Variants in EIF2AK4 observed in about 807,000 individuals in gnomAD.
The protein encoded by EIF2AK4 is eIF-2-alpha kinase GCN2.
A neutral mutation model predicts 211.1 loss-of-function variants in EIF2AK4; 139 were observed. The observed-to-expected ratio is 0.66, with a 90% CI of 0.57 to 0.76. EIF2AK4 has a LOEUF of 0.76. EIF2AK4 is among the 30% of genes least tolerant of loss of function. EIF2AK4 has a pLI of 0.00. For missense variants in EIF2AK4, 1,664 were observed against 2,043.8 expected, an observed-to-expected ratio of 0.81 and a Z score of 3.58; for synonymous variants, 710 against 751.3, an observed-to-expected ratio of 0.94 and a Z score of 0.90.
chr15:40,034,635 A>T (rs1280653976), intron 38 of EIF2AK4, among the ~76,000 whole-genome samples, 191 bp downstream of exon 38: 1 of 152,186 alleles, frequency 6.6e-6, no homozygotes, highest in African/African-American at 2.4e-5. Context: ...AACAAAACAC[A>T]GGGGTCCTAG....
chr15:39,980,890 AC>A (rs2034773315), intron 13 of EIF2AK4, among the ~76,000 whole-genome samples: 1 of 152,172 alleles, frequency 6.6e-6, no homozygotes, highest in South Asian at 2.1e-4. Flanking sequence ...AAATATAATT[AC>A]CAGCAGTTAC....
intron 16 of EIF2AK4, among the ~76,000 whole-genome samples, chr15:39,990,939 G>A (rs1356229222): frequency 6.6e-6 from 1 of 152,228 alleles, no homozygotes; most frequent in African/African-American, 2.4e-5. Flanking sequence ...GCTGTCGGAA[G>A]ACCAGCATAC....
chr15:39,965,600 A>T, intron 7 of EIF2AK4, 86 bp from the exon 8 acceptor site: 1 of 1,468,754 alleles, frequency 6.8e-7, no homozygotes, highest in Non-Finnish European at 9.3e-7. Flanking sequence ...TTGTTGAACT[A>T]AAGAATGTGT....
At chr15:40,033,561 T>C (rs2035571334) in intron 37 of EIF2AK4, among the ~76,000 whole-genome samples, 1 of 152,186 alleles carries the variant, frequency 6.6e-6, no homozygotes, top group African/African-American at 2.4e-5. Flanking sequence ...ATCCAGAGTG[T>C]TTAGTCACAA....
chr15:39,966,556 G>A (rs1042846881), intron 8 of EIF2AK4, among the ~76,000 whole-genome samples: 7 of 151,578 alleles, frequency 4.6e-5, no homozygotes, highest in African/African-American at 1.5e-4. Flanking sequence ...TTGGGGGACC[G>A]GAGGATTTTT....
At position 40,007,854 on chromosome 15, in the gene EIF2AK4, A is replaced by G. The variant is rs77478759; in HGVS notation, c.3408-173A>G. ...TAATAGTGGCAAAACTGGGAATTGG[A>G]ACCTAGATCACAAGGCAAGGCTGTT... On this transcript the variant is annotated intron_variant, in intron 24 of 38. Coordinates refer to ENST00000263791, the MANE Select transcript of EIF2AK4 (RefSeq NM_001013703.4). Among the ~76,000 whole-genome samples the G allele has an allele frequency of 0.026, 3,951 of 152,308 alleles. 183 individuals are homozygous for G. Among genetic ancestry groups the G allele is most frequent in the African/African-American group, 0.091 (3,761 of 41,550 alleles).
chr15:39,948,963 A>G (rs1177268793), intron 3 of EIF2AK4, among the ~76,000 whole-genome samples, 153 bp from the exon 4 acceptor site: 1 of 152,194 alleles, frequency 6.6e-6, no homozygotes, highest in East Asian at 1.9e-4. Context: ...TGATTATATC[A>G]TATACCGAAT....
intron 6 of EIF2AK4, among the ~76,000 whole-genome samples, chr15:39,960,902 C>A (rs1222766017): frequency 6.6e-6 from 1 of 152,100 alleles, no homozygotes; most frequent in Non-Finnish European, 1.5e-5. Flanking sequence ...CTCGTGTTCT[C>A]AGTGAAAGTA....
intron 33 of EIF2AK4, among the ~76,000 whole-genome samples, chr15:40,029,036 C>T (rs1238107616): frequency 1.3e-5 from 2 of 152,238 alleles, no homozygotes; most frequent in East Asian, 3.9e-4. Context: ...AAGGCTACTG[C>T]CATAATGAAG....
At chr15:39,992,262 T>C (rs774821047) in intron 17 of EIF2AK4, 33 bp downstream of exon 17, 3 of 1,551,556 alleles carry the variant, frequency 1.9e-6, no homozygotes, top group East Asian at 4.5e-5. Flanking sequence ...TTCATCCATG[T>C]GTTAAAGACC....
intron 7 of EIF2AK4, among the ~76,000 whole-genome samples, chr15:39,965,424 A>G (rs1307210034): frequency 6.6e-6 from 1 of 152,104 alleles, no homozygotes; most frequent in Non-Finnish European, 1.5e-5. Flanking sequence ...ACGCCTGGCC[A>G]AACATTGGTC....
chr15:40,021,553 G>C (rs2035387337), intron 31 of EIF2AK4: 1 of 152,432 alleles, frequency 6.6e-6, no homozygotes, highest in African/African-American at 2.4e-5. Context: ...GGACATCTTT[G>C]CGGGGCTGTA....
rs1182836924 is a variant in EIF2AK4, at chr15:39,976,596, G to T, written c.2001G>T (p.Thr667=). ...ACGAGCGGCCGGCGGGACCGGGGAC[G>T]CCGCCCCCGGACTCCGGGCCCCTGG... ...ERHERPAGPG[T]PPPDSGPLAK... Residue 667 remains threonine (T), a synonymous_variant, in exon 12 of 39, where the codon ACG becomes ACT. Coordinates refer to ENST00000263791, the MANE Select transcript of EIF2AK4 (RefSeq NM_001013703.4). 1.2e-6 allele frequency: 2 copies of T among 1,609,236 alleles called. No individual in the cohort carries two copies. The highest frequency in any genetic ancestry group is 1.1e-5 in the South Asian group (1 of 90,744).
rs1217482308 is a variant in EIF2AK4 at position 39,995,350 on chromosome 15, C to T, written c.2767-1614C>T. Among the ~76,000 whole-genome samples, 17 of 152,258 alleles carry T rather than the reference C, an allele frequency of 1.1e-4. No homozygotes were observed. In the East Asian group the frequency reaches 3.3e-3, roughly 29 times the overall value. ...TGACAATCCAAGAGTCTCGCCGCCC[C>T]CTCTTTGAGTCCAAATGTATTCAAG... On this transcript the variant is annotated intron_variant, in intron 18 of 38. Transcript: ENST00000263791.
At chr15:39,962,702 C>G (rs1251246258) in intron 7 of EIF2AK4, among the ~76,000 whole-genome samples, 1 of 152,162 alleles carries the variant, frequency 6.6e-6, no homozygotes, top group Non-Finnish European at 1.5e-5. Context: ...CCAAGAAGAC[C>G]ACCTTATTTT....
chr15:39,961,335 C>T (rs942638431), intron 6 of EIF2AK4, among the ~76,000 whole-genome samples: 2 of 152,196 alleles, frequency 1.3e-5, no homozygotes, highest in Admixed American at 6.5e-5. Flanking sequence ...TATGGGATAC[C>T]TGTGGAATTG....
intron 11 of EIF2AK4, chr15:39,975,178 A>G (rs189988603): frequency 6.6e-6 from 1 of 152,244 alleles, no homozygotes; most frequent in African/African-American, 2.4e-5. Flanking sequence ...TTCTTACGAG[A>G]TGGGTATGAT....
chr15:39,941,489 A>AT (rs201209269), intron 2 of EIF2AK4, among the ~76,000 whole-genome samples: 2,385 of 152,266 alleles, frequency 0.016, 58 homozygotes, highest in African/African-American at 0.055. Context: ...TCAAATATAT[A>AT]TTTTTTTATT....
chr15:40,000,975 G>C lies in EIF2AK4; in HGVS notation c.2923-13G>C, dbSNP rs79403089. ...TTGCATCCCATTAGCAGTGTGCCTGGGTTTTATTGTAGAAATCAGTCATCT... is the reference window on the plus strand; with the variant it reads ...TTGCATCCCATTAGCAGTGTGCCTGCGTTTTATTGTAGAAATCAGTCATCT... On this transcript the variant is annotated splice_polypyrimidine_tract_variant and intron_variant, in intron 20 of 38. Transcript: ENST00000263791. 275 of 1,613,738 alleles carry C rather than the reference G, an allele frequency of 1.7e-4. 1 individual carries two copies. The East Asian group carries it at 6.0e-3, about 35-fold the overall frequency.
Sources: gnomAD v4.1 joint callset for allele counts (sites outside exome capture counted in the v4.1 genomes callset) on GRCh38, gnomAD v4.1.1 for gene constraint, MANE v1.5 for transcripts, NCBI Gene and HGNC (gene_info 2026-07-23, HGNC 2026-07-21) for gene names.